The following ZNF804A variants were observed in gnomAD, a reference collection of about 807,000 sequenced individuals.
ZNF804A encodes zinc finger protein 804A.
A neutral mutation model predicts 16.5 loss-of-function variants in ZNF804A; 2 were observed. That is an observed-to-expected ratio of 0.12 (90% confidence interval 0.05 to 0.38). ZNF804A has a LOEUF of 0.38. Ranked by LOEUF, ZNF804A falls within the 10% of genes least tolerant of loss-of-function variation. The pLI, the probability that ZNF804A is intolerant of heterozygous loss-of-function variation, is 0.99. For missense variants in ZNF804A, 1,473 were observed against 1,390.7 expected, an observed-to-expected ratio of 1.06 and a Z score of -0.94; for synonymous variants, 534 against 489.6, an observed-to-expected ratio of 1.09 and a Z score of -1.20.
At chr2:184,790,634 T>C (rs931573640) in intron 1 of ZNF804A, among the ~76,000 whole-genome samples, 2 of 152,172 alleles carry the variant, frequency 1.3e-5, no homozygotes, top group African/African-American at 4.8e-5. Flanking sequence ...GATGGAGTCT[T>C]GCTCTGTTGC....
At chr2:184,903,247 A>T (rs1270254398) in intron 2 of ZNF804A, among the ~76,000 whole-genome samples, 2 of 152,176 alleles carry the variant, frequency 1.3e-5, no homozygotes, top group African/African-American at 2.4e-5. Context: ...TAGAATAAAG[A>T]TTACTTCAAA....
intron 1 of ZNF804A, among the ~76,000 whole-genome samples, chr2:184,614,172 C>T (rs1691283965): frequency 6.6e-6 from 1 of 152,064 alleles, no homozygotes; most frequent in African/African-American, 2.4e-5. Flanking sequence ...CTGACAAAAA[C>T]AAGAAATGGG....
At chr2:184,833,770 T>G (rs1419781124) in intron 1 of ZNF804A, among the ~76,000 whole-genome samples, 1 of 152,072 alleles carries the variant, frequency 6.6e-6, no homozygotes, top group African/African-American at 2.4e-5. Context: ...CATCTTTAAG[T>G]TAAAAGTGAT....
At chr2:184,791,187 G>A (rs141278640) in intron 1 of ZNF804A, among the ~76,000 whole-genome samples, 2 of 152,088 alleles carry the variant, frequency 1.3e-5, no homozygotes, top group African/African-American at 4.8e-5. Flanking sequence ...GGTTAAAATT[G>A]ATATGTGAGA....
chr2:184,883,028 T>A (rs895467659), intron 2 of ZNF804A, among the ~76,000 whole-genome samples: 1 of 151,678 alleles, frequency 6.6e-6, no homozygotes, highest in Non-Finnish European at 1.5e-5. Context: ...ATAAGATAGA[T>A]CACTAGCTAG....
At chr2:184,876,971 A>C (rs1684699890) in intron 2 of ZNF804A, among the ~76,000 whole-genome samples, 1 of 152,200 alleles carries the variant, frequency 6.6e-6, no homozygotes, top group African/African-American at 2.4e-5. Flanking sequence ...ATCCAATAAA[A>C]GTCCTACCAC....
chr2:184,890,771 A>C (rs1396906990), intron 2 of ZNF804A, among the ~76,000 whole-genome samples: 2 of 151,198 alleles, frequency 1.3e-5, no homozygotes, highest in African/African-American at 4.8e-5. Context: ...TAAAAAATTG[A>C]TGTTTGATAT....
At chr2:184,789,720 CTCTTA>C (rs1205706535) in intron 1 of ZNF804A, among the ~76,000 whole-genome samples, 2 of 152,088 alleles carry the variant, frequency 1.3e-5, no homozygotes, top group East Asian at 1.9e-4. Context: ...TTTGAATCTT[CTCTTA>C]TAACAGTGTA....
intron 1 of ZNF804A, among the ~76,000 whole-genome samples, chr2:184,716,306 C>A (rs1466460273): frequency 6.6e-6 from 1 of 151,926 alleles, no homozygotes; most frequent in African/African-American, 2.4e-5. Context: ...AATGGTATTG[C>A]AAATAGTATC....
Position 184,938,735 on chromosome 2 carries a change from A to G in ZNF804A, c.3339A>G (p.Ala1113=), listed in dbSNP as rs143955610. The change falls in exon 4 of 4, where the codon GCA becomes GCG. Residue 1113 remains alanine, a synonymous_variant. Transcript: ENST00000302277. ...LQQHAAAAAA[A]AAAAAAGTFK... is the part of the protein sequence containing the mutation. Reference sequence around the variant, plus strand: ...AGCACGCTGCAGCTGCTGCAGCTGCAGCTGCAGCCGCAGCTGCAGGAACCT... The same window carrying G: ...AGCACGCTGCAGCTGCTGCAGCTGCGGCTGCAGCCGCAGCTGCAGGAACCT... 1.1e-5 allele frequency: 17 copies of G among 1,607,662 alleles called. No individual in the cohort carries two copies. Among genetic ancestry groups the G allele is most frequent in the Middle Eastern group, 1.7e-4 (1 of 6,026 alleles).
chr2:184,674,076 C>G (rs1202609134), intron 1 of ZNF804A, among the ~76,000 whole-genome samples: 1 of 151,998 alleles, frequency 6.6e-6, no homozygotes, highest in Non-Finnish European at 1.5e-5. Context: ...TTAACTCTCA[C>G]CATTTTCAAA....
At chr2:184,811,627 C>T (rs981695886) in intron 1 of ZNF804A, among the ~76,000 whole-genome samples, 8 of 152,106 alleles carry the variant, frequency 5.3e-5, no homozygotes, top group African/African-American at 1.4e-4. Flanking sequence ...GCAAGAAAAT[C>T]CCTTAAGGCC....
chr2:184,667,358 A>T (rs1259589190), intron 1 of ZNF804A, among the ~76,000 whole-genome samples: 1 of 151,866 alleles, frequency 6.6e-6, no homozygotes, highest in African/African-American at 2.4e-5. Flanking sequence ...AAACATCAGT[A>T]AGTAATTAAT....
chr2:184,772,393 G>A (rs899633352), intron 1 of ZNF804A, among the ~76,000 whole-genome samples: 1 of 151,690 alleles, frequency 6.6e-6, no homozygotes, highest in Non-Finnish European at 1.5e-5. Context: ...ATTGTGAAAC[G>A]TCTTTCGTGA....
At chr2:184,688,414 A>T (rs987135440) in intron 1 of ZNF804A, among the ~76,000 whole-genome samples, 7 of 151,892 alleles carry the variant, frequency 4.6e-5, no homozygotes, top group African/African-American at 1.7e-4. Flanking sequence ...AATATTTGGT[A>T]TATATAATCT....
intron 1 of ZNF804A, among the ~76,000 whole-genome samples, chr2:184,659,594 CAA>C (rs1359861392): frequency 6.6e-6 from 1 of 151,946 alleles, no homozygotes; most frequent in Non-Finnish European, 1.5e-5. Context: ...TAAAAACCCA[CAA>C]AGTCTCATAT....
At chr2:184,631,755 T>C in intron 1 of ZNF804A, among the ~76,000 whole-genome samples, 1 of 152,202 alleles carries the variant, frequency 6.6e-6, no homozygotes, top group Non-Finnish European at 1.5e-5. Flanking sequence ...TTTTCCCTTC[T>C]AACTCAATTG....
At chr2:184,620,817 A>G (rs1172762429) in intron 1 of ZNF804A, among the ~76,000 whole-genome samples, 1 of 151,780 alleles carries the variant, frequency 6.6e-6, no homozygotes, top group East Asian at 1.9e-4. Context: ...GATTGATTTC[A>G]TTAGTTGTAA....
Position 184,938,391 on chromosome 2 carries a change from C to A in ZNF804A, c.2995C>A (p.Leu999Ile). Residue 999 changes from leucine to isoleucine, a missense_variant, in exon 4 of 4, where the codon CTT becomes ATT. Leu to Ile is a conservative substitution (Grantham distance 5). Transcript: ENST00000302277. ...GTGGCTGCGTTATAATTCAGGAATC[C>A]TTAACACACAACCACCATTACCATT... Reference protein sequence around the residue: ...TEWLRYNSGILNTQPPLPFKE... With the variant: ...TEWLRYNSGIINTQPPLPFKE... The A allele has an allele frequency of 1.9e-6, 3 of 1,614,074 alleles. No homozygotes were observed. The highest frequency in any genetic ancestry group is 2.5e-6 in the Non-Finnish European group (3 of 1,180,004).
Sources: gnomAD v4.1 joint callset for allele counts (sites outside exome capture counted in the v4.1 genomes callset) on GRCh38, gnomAD v4.1.1 for gene constraint, MANE v1.5 for transcripts, NCBI Gene and HGNC (gene_info 2026-07-23, HGNC 2026-07-21) for gene names.